The following ANGPT1 variants were observed in gnomAD, a reference collection of about 807,000 sequenced individuals.
The protein encoded by ANGPT1 is angiopoietin-1.
A neutral mutation model predicts 62.2 loss-of-function variants in ANGPT1; 17 were observed. The ratio of observed to expected loss-of-function variants is 0.27; its 90% CI spans 0.19 to 0.41. The LOEUF (loss-of-function observed/expected upper bound fraction) is 0.41. ANGPT1 is among the 10% of genes least tolerant of loss of function. The pLI is 1.00. For synonymous variants in ANGPT1, 199 were observed against 198.9 expected, an observed-to-expected ratio of 1.00 and a Z score of 0.00; for missense variants, 478 against 594.9, an observed-to-expected ratio of 0.80 and a Z score of 2.04.
At chr8:107,397,513 AC>A (rs1816960219) in intron 1 of ANGPT1, among the ~76,000 whole-genome samples, 1 of 152,074 alleles carries the variant, frequency 6.6e-6, no homozygotes, top group African/African-American at 2.4e-5. Context: ...TCACAAAAAT[AC>A]CAGCTGTTTC....
chr8:107,257,265 T>G (rs371706070), intron 8 of ANGPT1, among the ~76,000 whole-genome samples: 1 of 152,216 alleles, frequency 6.6e-6, no homozygotes, highest in Non-Finnish European at 1.5e-5. Context: ...GATTCATGTT[T>G]CCAATTCATT....
intron 1 of ANGPT1, among the ~76,000 whole-genome samples, chr8:107,355,533 C>G (rs1432312398): frequency 6.6e-6 from 1 of 151,934 alleles, no homozygotes; most frequent in African/African-American, 2.4e-5. Context: ...GACCCCGACC[C>G]TCCCACCCTA....
At chr8:107,339,187 A>G (rs1815642106) in intron 2 of ANGPT1, among the ~76,000 whole-genome samples, 1 of 152,062 alleles carries the variant, frequency 6.6e-6, no homozygotes, top group African/African-American at 2.4e-5. Context: ...TACTTGCCCT[A>G]CCTCAAGTCT....
chr8:107,444,041 T>A (rs1414806022), intron 1 of ANGPT1, among the ~76,000 whole-genome samples: 1 of 152,192 alleles, frequency 6.6e-6, no homozygotes, highest in Non-Finnish European at 1.5e-5. Flanking sequence ...AGAGTCTATG[T>A]CCTTCCAAAA....
intron 1 of ANGPT1, among the ~76,000 whole-genome samples, chr8:107,459,975 C>A (rs772634486): frequency 6.6e-6 from 1 of 152,130 alleles, no homozygotes; most frequent in Non-Finnish European, 1.5e-5. Context: ...TTCATGAACT[C>A]CAAATGATTG....
chr8:107,417,123 G>T (rs1419880654), intron 1 of ANGPT1, among the ~76,000 whole-genome samples: 2 of 152,098 alleles, frequency 1.3e-5, no homozygotes, highest in African/African-American at 4.8e-5. Context: ...AGACAGAGAA[G>T]ATTAGAGTAT....
chr8:107,464,682 C>T (rs1298214792), intron 1 of ANGPT1, among the ~76,000 whole-genome samples: 1 of 152,062 alleles, frequency 6.6e-6, no homozygotes, highest in Non-Finnish European at 1.5e-5. Context: ...AACTTCCTCT[C>T]CTTTGAAATG....
intron 1 of ANGPT1, among the ~76,000 whole-genome samples, chr8:107,442,100 G>T (rs768756450): frequency 6.6e-6 from 1 of 152,040 alleles, no homozygotes; most frequent in Non-Finnish European, 1.5e-5. Flanking sequence ...AAAGCTGGGG[G>T]AGTCCCATCA....
At chr8:107,374,815 T>C (rs1017986290) in intron 1 of ANGPT1, among the ~76,000 whole-genome samples, 1 of 152,188 alleles carries the variant, frequency 6.6e-6, no homozygotes, top group Non-Finnish European at 1.5e-5. Context: ...CTGATAAAAA[T>C]TCTGGTGGAA....
At chr8:107,439,414 C>A (rs907084425) in intron 1 of ANGPT1, among the ~76,000 whole-genome samples, 3 of 152,172 alleles carry the variant, frequency 2.0e-5, no homozygotes, top group Admixed American at 6.5e-5. Context: ...TGTACTCAAC[C>A]AATTTTACTT....
Position 107,477,460 on chromosome 8 carries a change from A to G in ANGPT1, c.297+19802T>C, listed in dbSNP as rs185025988. Among the ~76,000 whole-genome samples the G allele has an allele frequency of 1.6e-3, 237 of 152,288 alleles. 1 individual carries two copies. The highest frequency in any genetic ancestry group is 5.5e-3 in the African/African-American group (227 of 41,570). ...TTATAAAGATAGATTTAAGAGTTTGAACTTCATTCTGAGGATACCATGGGT... is the reference window on the plus strand; with the variant it reads ...TTATAAAGATAGATTTAAGAGTTTGGACTTCATTCTGAGGATACCATGGGT... On this transcript the variant is annotated intron_variant, in intron 1 of 8. Transcript: ENST00000517746.
intron 1 of ANGPT1, among the ~76,000 whole-genome samples, chr8:107,480,301 G>A (rs556497034): frequency 3.3e-5 from 5 of 152,270 alleles, no homozygotes; most frequent in African/African-American, 1.2e-4. Context: ...ACAGGATCTA[G>A]TTTGAGGCAC....
At chr8:107,451,382 CA>C (rs1209148434) in intron 1 of ANGPT1, among the ~76,000 whole-genome samples, 1 of 151,566 alleles carries the variant, frequency 6.6e-6, no homozygotes, top group African/African-American at 2.4e-5. Flanking sequence ...ATACTAGGTT[CA>C]ATATCTTCCA....
At chr8:107,335,902 T>C (rs1815546825) in intron 3 of ANGPT1, among the ~76,000 whole-genome samples, 1 of 151,208 alleles carries the variant, frequency 6.6e-6, no homozygotes, top group Non-Finnish European at 1.5e-5. Flanking sequence ...ACTACTACCA[T>C]TAGAGAAATT....
chr8:107,434,762 G>A (rs189491308), intron 1 of ANGPT1, among the ~76,000 whole-genome samples: 1 of 152,276 alleles, frequency 6.6e-6, no homozygotes, highest in Non-Finnish European at 1.5e-5. Flanking sequence ...ATGTTTGCTT[G>A]TAAATGTATA....
chr8:107,426,532 A>G (rs1453560265), intron 1 of ANGPT1, among the ~76,000 whole-genome samples: 2 of 152,212 alleles, frequency 1.3e-5, no homozygotes, highest in Non-Finnish European at 2.9e-5. Flanking sequence ...CTCTCTCCAT[A>G]TAATCCTAGA....
chr8:107,261,404 G>A (rs912323039), intron 8 of ANGPT1, among the ~76,000 whole-genome samples: 1 of 152,016 alleles, frequency 6.6e-6, no homozygotes, highest in African/African-American at 2.4e-5. Flanking sequence ...ATAGTTCAAA[G>A]ATTAAGGAAA....
chr8:107,295,292 T>C (rs1347169438), intron 5 of ANGPT1: 1 of 152,162 alleles, frequency 6.6e-6, no homozygotes, highest in African/African-American at 2.4e-5. Flanking sequence ...TCCAAGATTG[T>C]ACATTTGAAA....
chr8:107,460,868 C>T (rs1812052145), intron 1 of ANGPT1, among the ~76,000 whole-genome samples: 1 of 152,068 alleles, frequency 6.6e-6, no homozygotes, highest in Admixed American at 6.6e-5. Flanking sequence ...TGTTAATGCT[C>T]TTTAATTAAA....
Sources: gnomAD v4.1 joint callset for allele counts (sites outside exome capture counted in the v4.1 genomes callset) on GRCh38, gnomAD v4.1.1 for gene constraint, MANE v1.5 for transcripts, NCBI Gene and HGNC (gene_info 2026-07-23, HGNC 2026-07-21) for gene names.